The following MFHAS1 variants were observed in gnomAD, a reference collection of about 807,000 sequenced individuals.
The protein encoded by MFHAS1 is multifunctional ROCO family signaling regulator 1, also known as malignant fibrous histiocytoma-amplified sequence 1.
In MFHAS1, 50 loss-of-function variants were observed where a neutral mutation model predicts 70.4. That is an observed-to-expected ratio of 0.71 (90% CI 0.57 to 0.90). The LOEUF (loss-of-function observed/expected upper bound fraction) is 0.90. Ranked by LOEUF, MFHAS1 falls within the 40% of genes least tolerant of loss-of-function variation. The pLI, the probability that MFHAS1 is intolerant of heterozygous loss-of-function variation, is 0.00. For missense variants in MFHAS1, 1,795 were observed against 1,347.6 expected (o/e 1.33, Z -5.20); for synonymous variants, 952 against 620.0 (o/e 1.54, Z -7.96).
intron 2 of MFHAS1, among the ~76,000 whole-genome samples, chr8:8,794,145 G>C (rs1252711903): frequency 6.6e-6 from 1 of 151,820 alleles, no homozygotes; most frequent in African/African-American, 2.4e-5. Context: ...AGCTGAGATC[G>C]CACCACTGCA....
chr8:8,798,268 T>A (rs991558746), intron 1 of MFHAS1, among the ~76,000 whole-genome samples: 5 of 152,218 alleles, frequency 3.3e-5, no homozygotes, highest in African/African-American at 1.2e-4. Flanking sequence ...AAACAGCTCC[T>A]GGCTGCAGAT....
At chr8:8,826,945 G>C (rs1315563075) in intron 1 of MFHAS1, among the ~76,000 whole-genome samples, 2 of 152,172 alleles carry the variant, frequency 1.3e-5, no homozygotes, top group Non-Finnish European at 2.9e-5. Context: ...GTGAGACCCT[G>C]TCCCAACCCT....
intron 1 of MFHAS1, among the ~76,000 whole-genome samples, chr8:8,877,026 G>A (rs1048864846): frequency 2.0e-5 from 3 of 152,032 alleles, no homozygotes; most frequent in Non-Finnish European, 4.4e-5. Flanking sequence ...AGGGCTGGGC[G>A]CAGTGGCACA....
chr8:8,891,820 G>T lies in MFHAS1; in HGVS notation c.1239C>A (p.Leu413=). ...QPAVQPRLKL[L]LMGHKAAGKT... ...TTCCTGCAGCCTTATGCCCCATCAG[G>T]AGCAGCTTGAGCCGGGGCTGCACCG... Residue 413 remains leucine, a synonymous_variant, in exon 1 of 3, where the codon CTC becomes CTA. Coordinates refer to ENST00000276282, the MANE Select transcript of MFHAS1 (RefSeq NM_004225.3). The surrounding 1 kb of genome is among the most constrained non-coding windows in gnomAD (Gnocchi z 5.4). 2 of 1,613,222 alleles carry T rather than the reference G, an allele frequency of 1.2e-6. No homozygotes were observed. The highest frequency in any genetic ancestry group is 2.2e-5 in the South Asian group (2 of 91,076).
chr8:8,833,698 T>A (rs1362818855), intron 1 of MFHAS1, among the ~76,000 whole-genome samples: 3 of 152,158 alleles, frequency 2.0e-5, no homozygotes, highest in African/African-American at 7.2e-5. Context: ...GACCTAGCAA[T>A]TCTAATCTTA....
At chr8:8,854,379 G>T (rs572757022) in intron 1 of MFHAS1, among the ~76,000 whole-genome samples, 1 of 152,312 alleles carries the variant, frequency 6.6e-6, no homozygotes, top group Non-Finnish European at 1.5e-5. Context: ...AAATCAGCCA[G>T]GCTTGGTGGT....
rs139410686 is a variant in MFHAS1 at position 8,838,352 on chromosome 8, A to G, written c.2999-40861T>C. ...GTGGTAGATACCTAAATCTGTCACA[A>G]TTCACCCAAATGTATAGTTAAAATG... is the stretch of plus-strand genomic sequence containing the variant. On this transcript the variant is annotated intron_variant, in intron 1 of 2. Coordinates refer to ENST00000276282, the MANE Select transcript of MFHAS1 (RefSeq NM_004225.3). Among the ~76,000 whole-genome samples the G allele has an allele frequency of 1.1e-4, 17 of 152,296 alleles. No homozygotes were observed. In the South Asian group the frequency reaches 2.1e-3, roughly 19 times the overall value.
intron 2 of MFHAS1, among the ~76,000 whole-genome samples, chr8:8,791,669 C>T (rs1334828883): frequency 2.0e-5 from 3 of 152,280 alleles, no homozygotes; most frequent in South Asian, 2.1e-4. Flanking sequence ...CAAATAAAAG[C>T]TTTAAAAGAT....
Position 8,890,563 on chromosome 8 carries a change from G to A in MFHAS1, c.2496C>T (p.Cys832=), listed in dbSNP as rs1729874052. 1.2e-6 allele frequency: 2 copies of A among 1,613,498 alleles called. No homozygotes were observed. The highest frequency in any genetic ancestry group is 2.2e-5 in the East Asian group (1 of 44,886). ...ELLEKMGLCY[C]LNKPKGKPLN... is the part of the protein sequence containing the mutation. The stretch of plus-strand genomic sequence containing the variant: ...AAGGCTTGCCCTTGGGTTTATTGAG[G>A]CAGTAACAGAGTCCCATCTTCTCCA... The change falls in exon 1 of 3, where the codon TGC becomes TGT. Residue 832 remains cysteine, a synonymous_variant. Coordinates refer to ENST00000276282, the MANE Select transcript of MFHAS1 (RefSeq NM_004225.3).
chr8:8,821,167 G>A lies in MFHAS1; in HGVS notation c.2999-23676C>T, dbSNP rs867110762. Among the ~76,000 whole-genome samples, 8 of 152,308 alleles carry A rather than the reference G, an allele frequency of 5.3e-5. No individual in the cohort carries two copies. In the South Asian group the frequency reaches 8.3e-4, roughly 16 times the overall value. On this transcript the variant is annotated intron_variant, in intron 1 of 2. Transcript: ENST00000276282. ...TGGGTGTCAGAGGGAGCAGCTGCCA[G>A]GTGGAAACGGAATGAACTGCCTGCC... is the stretch of plus-strand genomic sequence containing the variant.
chr8:8,820,254 C>G (rs536391942), intron 1 of MFHAS1, among the ~76,000 whole-genome samples: 16 of 151,974 alleles, frequency 1.1e-4, no homozygotes, highest in Non-Finnish European at 1.6e-4. Flanking sequence ...TCCCCCTTCC[C>G]AAGTCCCCAG....
rs1185949621 is a variant in MFHAS1 at position 8,891,381 on chromosome 8, G to A, written c.1678C>T (p.Leu560=). 3 of 1,611,834 alleles carry A rather than the reference G, an allele frequency of 1.9e-6. No homozygotes were observed. The highest frequency in any genetic ancestry group is 1.6e-4 in the Middle Eastern group (1 of 6,062). ...CCCTCCGCGTCGTGCTTCTCCTGCA[G>A]GGCGATCTGGCGGTGAATGTCCAGA... The part of the protein sequence containing the change: ...KCLDIHRQIA[L]QEKHDAEGLS... Residue 560 remains leucine, a synonymous_variant, in exon 1 of 3, where the codon CTG becomes TTG. Coordinates refer to ENST00000276282, the MANE Select transcript of MFHAS1 (RefSeq NM_004225.3). The surrounding 1 kb of genome is among the most constrained non-coding windows in gnomAD (Gnocchi z 5.4).
chr8:8,798,197 G>A (rs2117260024), intron 1 of MFHAS1, among the ~76,000 whole-genome samples: 1 of 152,318 alleles, frequency 6.6e-6, no homozygotes, highest in East Asian at 1.9e-4. Context: ...AAGCAGTGAT[G>A]ACTTCCATTC....
At chr8:8,794,261 T>A (rs1047590292) in intron 2 of MFHAS1, among the ~76,000 whole-genome samples, 1 of 152,100 alleles carries the variant, frequency 6.6e-6, no homozygotes, top group Non-Finnish European at 1.5e-5. Flanking sequence ...TGAAAGCCAG[T>A]GCAATAGCCC....
At chr8:8,827,107 C>A (rs927691120) in intron 1 of MFHAS1, among the ~76,000 whole-genome samples, 1 of 152,144 alleles carries the variant, frequency 6.6e-6, no homozygotes, top group African/African-American at 2.4e-5. Context: ...ATTTGCTTTT[C>A]CATTTAGTAT....
At chr8:8,833,718 C>T (rs1167968245) in intron 1 of MFHAS1, among the ~76,000 whole-genome samples, 1 of 152,196 alleles carries the variant, frequency 6.6e-6, no homozygotes, top group African/African-American at 2.4e-5. Context: ...AGAGCAATGA[C>T]AATATATGCT....
rs765525328 is a variant in MFHAS1 at position 8,892,135 on chromosome 8, G to A, written c.924C>T (p.Leu308=). The A allele has an allele frequency of 1.9e-6, 3 of 1,612,180 alleles. No individual in the cohort carries two copies. Among genetic ancestry groups the A allele is most frequent in the Admixed American group, 3.3e-5 (2 of 60,022 alleles). Reference sequence around the variant, plus strand: ...CCGAGATAAGGGATGGCACCGAGGTGAGCTGGTTGCGACTAAGGTAGAGCT... The same window carrying A: ...CCGAGATAAGGGATGGCACCGAGGTAAGCTGGTTGCGACTAAGGTAGAGCT... ...LEELYLSRNQ[L]TSVPSLISGL... The change falls in exon 1 of 3, where the codon CTC becomes CTT. Residue 308 remains leucine, a synonymous_variant. Coordinates refer to ENST00000276282, the MANE Select transcript of MFHAS1 (RefSeq NM_004225.3). This position sits in a 1 kb window ranked among gnomAD's most constrained non-coding sequence, Gnocchi z 4.7.
intron 1 of MFHAS1, among the ~76,000 whole-genome samples, chr8:8,817,609 C>T (rs566083824): frequency 6.6e-6 from 1 of 152,364 alleles, no homozygotes; most frequent in South Asian, 2.1e-4. Context: ...GCTCTCGCCC[C>T]TCCTGTTCTC....
intron 1 of MFHAS1, among the ~76,000 whole-genome samples, chr8:8,836,335 T>C (rs1807592936): frequency 6.6e-6 from 1 of 152,212 alleles, no homozygotes; most frequent in Admixed American, 6.5e-5. Context: ...TCAATGGCTC[T>C]TGGCTTCTTA....
Sources: gnomAD v4.1 joint callset for allele counts (sites outside exome capture counted in the v4.1 genomes callset) on GRCh38, gnomAD v4.1.1 for gene constraint, Gnocchi (gnomAD v3.1) non-coding constraint, MANE v1.5 for transcripts, NCBI Gene and HGNC (gene_info 2026-07-23, HGNC 2026-07-21) for gene names.